Variants in DAAM1 observed in about 807,000 individuals in gnomAD.
DAAM1 encodes dishevelled associated activator of morphogenesis 1.
In DAAM1, 52 loss-of-function variants were observed where a neutral mutation model predicts 130.0. That is an observed-to-expected ratio of 0.40 (90% CI 0.32 to 0.50). DAAM1 has a LOEUF of 0.50. Among genes scored for constraint, DAAM1 ranks in the 20% least tolerant of loss-of-function variants. The pLI is 0.61. For synonymous variants in DAAM1, 452 were observed against 444.5 expected (o/e 1.02, Z -0.21); for missense variants, 1,134 against 1,303.8 (o/e 0.87, Z 2.01).
intron 1 of DAAM1, among the ~76,000 whole-genome samples, chr14:59,227,025 T>C (rs1172256965): frequency 1.3e-5 from 2 of 152,220 alleles, no homozygotes; most frequent in Non-Finnish European, 2.9e-5. Context: ...TCTACTTTAA[T>C]TAAAATGCCT....
At chr14:59,276,120 A>C (rs770857790) in intron 2 of DAAM1, among the ~76,000 whole-genome samples, 4 of 152,232 alleles carry the variant, frequency 2.6e-5, no homozygotes, top group Admixed American at 1.3e-4. Context: ...AACCACCATC[A>C]TACTAAAATA....
At chr14:59,190,252 C>G (rs1887692944) in intron 1 of DAAM1, among the ~76,000 whole-genome samples, 1 of 152,146 alleles carries the variant, frequency 6.6e-6, no homozygotes, top group Non-Finnish European at 1.5e-5. Flanking sequence ...CTTCCCCGTG[C>G]CACACCTCAT....
Position 59,225,023 on chromosome 14 carries a change from T to G in DAAM1, c.-38+36255T>G, listed in dbSNP as rs1026300768. Among the ~76,000 whole-genome samples, 30 of 134,002 alleles carry G rather than the reference T, an allele frequency of 2.2e-4. 2 individuals carry two copies. Among genetic ancestry groups the G allele is most frequent in the East Asian group, 2.0e-3 (9 of 4,604 alleles). 87.9% of individuals were successfully genotyped at this position (134,002 alleles called of 152,430 possible). A position where few individuals can be genotyped will look rare whatever the true frequency, so the allele number is the denominator to read the frequency against. On this transcript the variant is annotated intron_variant, in intron 1 of 24. Coordinates refer to ENST00000360909, the MANE Select transcript of DAAM1 (RefSeq NM_001270520.2). ...GTAAGAAATAAATCTGTGTGGGTTT[T>G]TTTTTTTTTTTTTTTTTTTTTTTGA...
intron 1 of DAAM1, among the ~76,000 whole-genome samples, chr14:59,222,338 C>T (rs1888800918): frequency 6.6e-6 from 1 of 152,174 alleles, no homozygotes; most frequent in Non-Finnish European, 1.5e-5. Context: ...AAGGCGAATT[C>T]ATCTCCAGAG....
chr14:59,305,431 A>T (rs1390358628), intron 3 of DAAM1, among the ~76,000 whole-genome samples: 1 of 152,184 alleles, frequency 6.6e-6, no homozygotes, highest in South Asian at 2.1e-4. Context: ...TGAGAATTTT[A>T]GGCTTCAGTC....
intron 22 of DAAM1, chr14:59,362,236 G>A (rs1242437333): frequency 6.6e-6 from 1 of 151,886 alleles, no homozygotes; most frequent in Non-Finnish European, 1.5e-5. Flanking sequence ...TAGTTTTGCT[G>A]AAATCACTCT....
intron 1 of DAAM1, among the ~76,000 whole-genome samples, chr14:59,223,527 C>T (rs1189822654): frequency 6.6e-6 from 1 of 152,128 alleles, no homozygotes; most frequent in Non-Finnish European, 1.5e-5. Flanking sequence ...CACTGATAGA[C>T]ACTTCAGGCA....
At chr14:59,345,181 A>G (rs74057107) in intron 16 of DAAM1, among the ~76,000 whole-genome samples, 20,710 of 152,106 alleles carry the variant, frequency 0.14, 1,926 homozygotes, top group African/African-American at 0.27. Flanking sequence ...TCCCTGTTGT[A>G]TACTTTACCC....
chr14:59,301,648 G>A (rs1487420168), intron 3 of DAAM1, among the ~76,000 whole-genome samples: 2 of 152,174 alleles, frequency 1.3e-5, no homozygotes, highest in Non-Finnish European at 2.9e-5. Flanking sequence ...CAGATGGACT[G>A]TTGCTGGGGC....
intron 12 of DAAM1, among the ~76,000 whole-genome samples, chr14:59,329,826 G>A (rs1348966271): frequency 6.6e-6 from 1 of 152,202 alleles, no homozygotes; most frequent in East Asian, 1.9e-4. Flanking sequence ...GTGTTACCAT[G>A]ATTTTCGCGT....
At position 59,330,719 on chromosome 14, in the gene DAAM1, T is replaced by C. The variant is rs1309840315; in HGVS notation, c.1560+31T>C. On this transcript the variant is annotated intron_variant, in intron 13 of 24. Coordinates refer to ENST00000360909, the MANE Select transcript of DAAM1 (RefSeq NM_001270520.2). Reference sequence around the variant, plus strand: ...GTCTTCCGCTCAGCTCACGGGCAGCTGCCAAGGCCTCACTGACCCTAGAGC... The same window carrying C: ...GTCTTCCGCTCAGCTCACGGGCAGCCGCCAAGGCCTCACTGACCCTAGAGC... The C allele has an allele frequency of 1.9e-6, 3 of 1,567,164 alleles. No individual in the cohort carries two copies. In the South Asian group the frequency reaches 3.6e-5, roughly 19 times the overall value.
At chr14:59,367,294 A>C in intron 23 of DAAM1, 135 bp from the exon 24 acceptor site, 1 of 1,397,100 alleles carries the variant, frequency 7.2e-7, no homozygotes, top group Non-Finnish European at 9.3e-7. Flanking sequence ...TCCAAAAGAA[A>C]GAAAGAAATA....
chr14:59,338,415 G>T (rs1885709382), intron 15 of DAAM1: 1 of 1,613,640 alleles, frequency 6.2e-7, no homozygotes, highest in Non-Finnish European at 8.5e-7. Flanking sequence ...CTCCAAGCAG[G>T]TAAGTGAGCT....
chr14:59,195,923 A>G (rs568765087), intron 1 of DAAM1, among the ~76,000 whole-genome samples: 2 of 151,470 alleles, frequency 1.3e-5, no homozygotes, highest in Admixed American at 1.3e-4. Flanking sequence ...TGGGGACTAG[A>G]CTGTACATTG....
intron 16 of DAAM1, among the ~76,000 whole-genome samples, chr14:59,346,147 G>A (rs997222631): frequency 1.8e-4 from 26 of 148,406 alleles, no homozygotes; most frequent in African/African-American, 5.5e-4. Flanking sequence ...TTGGGGGGGG[G>A]GGGGTGCCTG....
chr14:59,296,987 A>G (rs1253021), intron 3 of DAAM1, among the ~76,000 whole-genome samples: 21,268 of 152,058 alleles, frequency 0.14, 1,683 homozygotes, highest in Middle Eastern at 0.2. Flanking sequence ...TAAGATGGAA[A>G]CTCCAACACT....
chr14:59,325,746 A>G lies in DAAM1; in HGVS notation c.1056+16A>G, dbSNP rs1885180421. ...ATTTGAACTGGTACGTATGCTTACAATTATTCTGGTTTGATTCATCAGTTC... is the reference window on the plus strand; with the variant it reads ...ATTTGAACTGGTACGTATGCTTACAGTTATTCTGGTTTGATTCATCAGTTC... On this transcript the variant is annotated intron_variant, in intron 9 of 24. Transcript: ENST00000360909. 5 of 1,613,176 alleles carry G rather than the reference A, an allele frequency of 3.1e-6. No homozygotes were observed. Among genetic ancestry groups the G allele is most frequent in the South Asian group, 1.1e-5 (1 of 91,046 alleles).
At chr14:59,327,350 G>GC (rs1204188879) in intron 12 of DAAM1, among the ~76,000 whole-genome samples, 2 of 149,252 alleles carry the variant, frequency 1.3e-5, no homozygotes, top group African/African-American at 4.9e-5. Context: ...TGTAATAAGG[G>GC]ACTTGAGGAA....
intron 1 of DAAM1, among the ~76,000 whole-genome samples, chr14:59,243,717 A>T (rs896032553): frequency 4.6e-5 from 7 of 152,038 alleles, no homozygotes; most frequent in Non-Finnish European, 8.8e-5. Flanking sequence ...CTCAGCAATC[A>T]CTGGTCTGTA....
Sources: allele counts gnomAD v4.1 joint callset (sites outside exome capture counted in the v4.1 genomes callset), GRCh38; gene constraint gnomAD v4.1.1; transcripts MANE v1.5; gene names NCBI Gene and HGNC (gene_info 2026-07-23, HGNC 2026-07-21).